Variants in CAPG observed in about 807,000 individuals in gnomAD.
CAPG encodes the protein macrophage-capping protein.
Under a neutral mutation model 44.6 loss-of-function variants are expected in CAPG, and 32 were observed. The ratio of observed to expected loss-of-function variants is 0.72; its 90% CI spans 0.54 to 0.96. The LOEUF is 0.96. Among genes scored for constraint, CAPG ranks in the 50% least tolerant of loss-of-function variants. The probability of loss-of-function intolerance (pLI) is 0.00; values close to 1 mark genes in which losing one functional copy is unlikely to be tolerated. For missense variants in CAPG, 412 were observed against 438.3 expected, an observed-to-expected ratio of 0.94 and a Z score of 0.54; for synonymous variants, 175 against 179.6, an observed-to-expected ratio of 0.97 and a Z score of 0.20.
In CAPG at chr2:85,416,158, T is replaced by C. The variant is rs1189887051; in HGVS notation, c.-14+2109A>G. Reference sequence around the variant, plus strand: ...CTGGACACTGGCTTCTGGGCTTAGCTGCTTGGACTCTGGCCAAGGTCTGGG... The same window carrying C: ...CTGGACACTGGCTTCTGGGCTTAGCCGCTTGGACTCTGGCCAAGGTCTGGG... On this transcript the variant is annotated intron_variant, in intron 1 of 5. Coordinates refer to the CAPG transcript ENST00000409275. 2.6e-5 allele frequency among the ~76,000 whole-genome samples: 4 copies of C among 152,372 alleles called. No homozygotes were observed. In the East Asian group the frequency reaches 7.7e-4, roughly 29 times the overall value.
intron 1 of CAPG, chr2:85,408,786 T>C (rs901070927): frequency 6.6e-6 from 1 of 151,916 alleles, no homozygotes; most frequent in African/African-American, 2.4e-5. Flanking sequence ...GATGTCAGCA[T>C]TAGAAAGTGC....
chr2:85,398,224 G>T, intron 7 of CAPG, 72 bp from the exon 8 acceptor site: 1 of 1,558,118 alleles, frequency 6.4e-7, no homozygotes, highest in African/African-American at 1.4e-5. Context: ...GGAGGGGGAG[G>T]CTGGTCCTCC....
chr2:85,398,841 C>T (rs1447229169), intron 6 of CAPG, 59 bp from the exon 7 acceptor site: 12 of 1,326,394 alleles, frequency 9.0e-6, no homozygotes, highest in Non-Finnish European at 1.3e-5. Context: ...CTTCCCAGCC[C>T]ATCATGCCCA....
downstream of CAPG, among the ~76,000 whole-genome samples, chr2:85,392,186 C>A (rs1297842275): frequency 1.3e-5 from 2 of 152,082 alleles, no homozygotes. Flanking sequence ...GTCAGGAGAT[C>A]GAGACCATCC....
chr2:85,405,893 G>A (rs1230362874), intron 1 of CAPG, among the ~76,000 whole-genome samples: 3 of 152,178 alleles, frequency 2.0e-5, no homozygotes, highest in Non-Finnish European at 2.9e-5. Flanking sequence ...ATCAGGGAGC[G>A]CTCAAGAATG....
chr2:85,400,835 G>A (rs1686848898), intron 5 of CAPG, among the ~76,000 whole-genome samples: 2 of 152,078 alleles, frequency 1.3e-5, no homozygotes, highest in Non-Finnish European at 2.9e-5. Context: ...GAGCTTTTAT[G>A]GTCCCTGTGC....
chr2:85,403,119 T>G (rs1270597181), intron 1 of CAPG, among the ~76,000 whole-genome samples: 1 of 152,042 alleles, frequency 6.6e-6, no homozygotes, highest in East Asian at 1.9e-4. Context: ...GACAAACTGA[T>G]TAACAGAAAG....
intron 1 of CAPG, among the ~76,000 whole-genome samples, chr2:85,407,461 C>A (rs976123278): frequency 6.6e-6 from 1 of 151,904 alleles, no homozygotes; most frequent in Non-Finnish European, 1.5e-5. Flanking sequence ...GCCTGTAATC[C>A]CAGCACACTG....
At chr2:85,409,623 A>T (rs1166583251) in intron 1 of CAPG, 3 of 151,848 alleles carry the variant, frequency 2.0e-5, no homozygotes. Flanking sequence ...AACCAAACTG[A>T]ATCTCCCAGC....
chr2:85,417,477 C>CT (rs1242085864), intron 1 of CAPG, among the ~76,000 whole-genome samples: 1,711 of 100,966 alleles, frequency 0.017, 31 homozygotes, highest in African/African-American at 0.023. Flanking sequence ...TATCTCAGCT[C>CT]TTTTTTTTTT....
At chr2:85,415,732 C>T (rs1168583783) in intron 1 of CAPG, among the ~76,000 whole-genome samples, 1 of 152,216 alleles carries the variant, frequency 6.6e-6, no homozygotes, top group African/African-American at 2.4e-5. Flanking sequence ...TCTGTTGCCT[C>T]GGGATAATCC....
downstream of CAPG, among the ~76,000 whole-genome samples, chr2:85,392,954 T>C (rs1686439756): frequency 6.6e-6 from 1 of 152,136 alleles, no homozygotes; most frequent in Non-Finnish European, 1.5e-5. Context: ...TTAGCAATAA[T>C]GTAGTCTGGC....
intron 8 of CAPG, among the ~76,000 whole-genome samples, chr2:85,396,225 G>A (rs538387081): frequency 5.8e-4 from 88 of 151,954 alleles, no homozygotes; most frequent in African/African-American, 2.0e-3. Context: ...TCGTTCTGTC[G>A]CCCGGGCTGG....
In CAPG at chr2:85,401,043, G is replaced by C. The variant is rs139603578; in HGVS notation, c.516+122C>G. On this transcript the variant is annotated intron_variant, in intron 5 of 9. Coordinates refer to ENST00000263867, the MANE Select transcript of CAPG (RefSeq NM_001747.4). ...AGGGACATTCTCCAATGGTCAGAGTGATCTCACTTGGAATGGGTTTACGGC... is the reference window on the plus strand; with the variant it reads ...AGGGACATTCTCCAATGGTCAGAGTCATCTCACTTGGAATGGGTTTACGGC... The C allele has an allele frequency of 9.7e-4, 848 of 875,428 alleles. 6 individuals are homozygous for C. The highest frequency in any genetic ancestry group is 8.6e-3 in the African/African-American group (511 of 59,498). The allele number at this position is 875,428 out of a possible 1,614,324, so 54.2% of individuals were successfully genotyped here.
At chr2:85,393,060 G>A (rs1204173011), downstream of CAPG, among the ~76,000 whole-genome samples, 1 of 151,420 alleles carries the variant, frequency 6.6e-6, no homozygotes, top group Admixed American at 6.6e-5. Context: ...TTTTGAAATG[G>A]GATCTCACTC....
intron 5 of CAPG, 56 bp downstream of exon 5, chr2:85,401,109 C>T (rs960235297): frequency 3.8e-5 from 59 of 1,545,112 alleles, no homozygotes; most frequent in African/African-American, 5.5e-5. Context: ...CCTGCCCCTC[C>T]GTCCTTATAA....
At position 85,394,871 on chromosome 2, in the gene CAPG, T is replaced by C; in HGVS notation, c.*22A>G. 6.3e-7 allele frequency: 1 copy of C among 1,589,084 alleles called. No individual in the cohort carries two copies. The highest frequency in any genetic ancestry group is 1.1e-5 in the South Asian group (1 of 90,652). ...GCAGGTGGTGGGGGGCAGGGGAGCA[T>C]GGGGCAGGAAGACGCCCACCCTCAT... On this transcript the variant is annotated 3_prime_UTR_variant, in exon 10 of 10. Transcript: ENST00000263867.
chr2:85,396,277 C>G (rs1298040216), intron 8 of CAPG, among the ~76,000 whole-genome samples: 1 of 152,146 alleles, frequency 6.6e-6, no homozygotes, highest in Non-Finnish European at 1.5e-5. Context: ...CCTCAACCTC[C>G]CAGGCTCAAG....
chr2:85,398,188 AC>A, intron 7 of CAPG, 36 bp from the exon 8 acceptor site: 1 of 1,605,880 alleles, frequency 6.2e-7, no homozygotes, highest in Non-Finnish European at 8.5e-7. Flanking sequence ...CTCACCCCCC[AC>A]ACACCAGCCC....
Sources: allele counts gnomAD v4.1 joint callset (sites outside exome capture counted in the v4.1 genomes callset), GRCh38; gene constraint gnomAD v4.1.1; transcripts MANE v1.5; gene names NCBI Gene and HGNC (gene_info 2026-07-23, HGNC 2026-07-21).